Variants in CNKSR3 observed in about 807,000 individuals in gnomAD.
CNKSR3 encodes CNKSR family member 3.
CNKSR3 carries 36 observed loss-of-function variants against 67.7 expected under a neutral mutation model. The observed-to-expected ratio is 0.53, with a 90% CI of 0.41 to 0.70. The LOEUF is 0.70. Ranked by LOEUF, CNKSR3 falls within the 30% of genes least tolerant of loss-of-function variation. CNKSR3 has a pLI of 0.00. For missense variants in CNKSR3, 630 were observed against 695.2 expected (o/e 0.91, Z 1.05); for synonymous variants, 281 against 271.4 (o/e 1.04, Z -0.35).
At chr6:154,465,004 G>A (rs1179740933) in intron 1 of CNKSR3, among the ~76,000 whole-genome samples, 1 of 151,794 alleles carries the variant, frequency 6.6e-6, no homozygotes, top group Non-Finnish European at 1.5e-5. Flanking sequence ...AGCCGAGTAT[G>A]GTGGCAGGCA....
chr6:154,470,188 C>CTTTTTTTTTTTTTTTTTTTT (rs869154714), intron 1 of CNKSR3, among the ~76,000 whole-genome samples: 1 of 68,724 alleles, frequency 1.5e-5, no homozygotes, highest in Non-Finnish European at 2.6e-5. Flanking sequence ...ACTTTCTTTC[C>CTTTTTTTTTTTTTTTTTTTT]TTTTTTTTTT....
intron 1 of CNKSR3, among the ~76,000 whole-genome samples, chr6:154,452,007 C>T (rs1395393775): frequency 1.3e-5 from 2 of 152,190 alleles, no homozygotes; most frequent in Non-Finnish European, 2.9e-5. Context: ...TTGAGACCAA[C>T]ACCCTACCTG....
intron 1 of CNKSR3, among the ~76,000 whole-genome samples, chr6:154,455,642 G>A (rs889692932): frequency 5.3e-5 from 8 of 151,924 alleles, no homozygotes; most frequent in South Asian, 2.1e-4. Context: ...GGCTGGTCTC[G>A]AACTCCTGAC....
chr6:154,413,535 G>A (rs956307092), intron 10 of CNKSR3, among the ~76,000 whole-genome samples: 1 of 151,910 alleles, frequency 6.6e-6, no homozygotes, highest in Non-Finnish European at 1.5e-5. Flanking sequence ...TGGCCACATA[G>A]GTTTTTTTTC....
At chr6:154,414,549 G>T in intron 9 of CNKSR3, 126 bp from the exon 10 acceptor site, 1 of 957,142 alleles carries the variant, frequency 1.0e-6, no homozygotes, top group Non-Finnish European at 1.7e-6. Flanking sequence ...GGTCATTCAT[G>T]TGTTTACAGA....
At chr6:154,479,614 T>C (rs1313976579) in intron 1 of CNKSR3, among the ~76,000 whole-genome samples, 1 of 152,180 alleles carries the variant, frequency 6.6e-6, no homozygotes, top group Non-Finnish European at 1.5e-5. Context: ...TGACAATAAT[T>C]ACTGCACACA....
chr6:154,433,675 A>G, intron 4 of CNKSR3, 168 bp from the exon 5 acceptor site: 1 of 608,664 alleles, frequency 1.6e-6, no homozygotes, highest in Non-Finnish European at 3.0e-6. Flanking sequence ...GCAGAGTGGG[A>G]ACAGAGCTGA....
intron 1 of CNKSR3, among the ~76,000 whole-genome samples, chr6:154,509,043 A>G (rs972645296): frequency 2.6e-5 from 4 of 151,714 alleles, no homozygotes; most frequent in Non-Finnish European, 5.9e-5. Context: ...GCGCTACACA[A>G]TTCTAGTTAT....
chr6:154,479,162 A>G (rs183752755), intron 1 of CNKSR3, among the ~76,000 whole-genome samples: 2 of 152,294 alleles, frequency 1.3e-5, no homozygotes, highest in Non-Finnish European at 2.9e-5. Flanking sequence ...GTAAAAAGGA[A>G]AAAAGTGGCC....
At chr6:154,443,128 G>A (rs886182308) in intron 2 of CNKSR3, among the ~76,000 whole-genome samples, 1 of 151,922 alleles carries the variant, frequency 6.6e-6, no homozygotes. Flanking sequence ...GAACTTGTGA[G>A]CTCAGGCACA....
At position 154,388,910 on chromosome 6, in the gene CNKSR3, A is replaced by AT. The variant is rs1226383414; in HGVS notation, c.*17443dup. On this transcript the variant is annotated 3_prime_UTR_variant, in exon 13 of 13. Coordinates refer to ENST00000607772, the MANE Select transcript of CNKSR3 (RefSeq NM_173515.4). Reference sequence around the variant, plus strand: ...TGTTCAAGATGCCAGAGCCCATGCTATTCAGATCCTTGGCCCATTTGTAAA... The same window carrying AT: ...TGTTCAAGATGCCAGAGCCCATGCTATTTCAGATCCTTGGCCCATTTGTAAA... The AT allele has an allele frequency of 6.7e-6, 1 of 149,518 alleles. No homozygotes were observed. Among genetic ancestry groups the AT allele is most frequent in the Non-Finnish European group, 1.5e-5 (1 of 67,696 alleles). 9.3% of individuals were successfully genotyped at this position (149,518 alleles called of 1,614,324 possible). A position where few individuals can be genotyped will look rare whatever the true frequency, so the allele number is the denominator to read the frequency against.
rs1785797204 is a variant in CNKSR3, at chr6:154,450,197, C to A, written c.114G>T (p.Glu38Asp). The A allele has an allele frequency of 6.2e-7, 1 of 1,614,186 alleles. No homozygotes were observed. The highest frequency in any genetic ancestry group is 2.2e-5 in the East Asian group (1 of 44,882). ...HKFEREKING[E>D]QLLQISHQDL... ...CCTGATGGGAAATCTGCAGCAGCTG[C>A]TCGCCGTTGATCTTCTCTCGTTCAA... is the stretch of plus-strand genomic sequence containing the variant. The change falls in exon 2 of 13, where the codon GAG (glutamate) becomes GAT (aspartate). Residue 38 changes from glutamate (E) to aspartate (D), a missense_variant. Physicochemically the swap from Glu to Asp is conservative, Grantham distance 45. Transcript: ENST00000607772.
At chr6:154,486,354 C>T (rs369897293) in intron 1 of CNKSR3, among the ~76,000 whole-genome samples, 19 of 149,920 alleles carry the variant, frequency 1.3e-4, no homozygotes, top group African/African-American at 4.2e-4. Context: ...AGAGTGCAGT[C>T]GTGCGATCTC....
chr6:154,461,141 C>T (rs767722068), intron 1 of CNKSR3, among the ~76,000 whole-genome samples: 12 of 152,196 alleles, frequency 7.9e-5, no homozygotes, highest in Non-Finnish European at 1.5e-4. Flanking sequence ...CCTGCAGTGA[C>T]CCCACGGAGG....
At chr6:154,505,499 T>A (rs112561976) in intron 1 of CNKSR3, among the ~76,000 whole-genome samples, 7,184 of 86,808 alleles carry the variant, frequency 0.083, 188 homozygotes, top group African/African-American at 0.17. Flanking sequence ...TATTATTATT[T>A]TTTTTTTTTT....
chr6:154,415,649 G>A (rs7750888), intron 9 of CNKSR3, among the ~76,000 whole-genome samples: 104,946 of 152,060 alleles, frequency 0.69, 36,575 homozygotes, highest in East Asian at 0.87. Context: ...ATTAAGTAAG[G>A]TAACACATGT....
chr6:154,510,382 G>A lies in CNKSR3; in HGVS notation c.-268C>T. On this transcript the variant is annotated 5_prime_UTR_variant, in exon 1 of 13. Transcript: ENST00000607772. ...GATCCCGGGCACAGCTGCTGCTCCC[G>A]AGCGACGGCAGCTGCAGGCACGCCG... 1 of 512,134 alleles carries A rather than the reference G, an allele frequency of 2.0e-6. No homozygotes were observed. The highest frequency in any genetic ancestry group is 2.1e-5 in the African/African-American group (1 of 48,522). 31.7% of individuals were successfully genotyped at this position (512,134 alleles called of 1,614,324 possible).
rs568801750 is a variant in CNKSR3, at chr6:154,444,368, G to A, written c.217-2078C>T. Among the ~76,000 whole-genome samples, 9 of 152,204 alleles carry A rather than the reference G, an allele frequency of 5.9e-5. No homozygotes were observed. The South Asian group carries it at 1.0e-3, about 17-fold the overall frequency. On this transcript the variant is annotated intron_variant, in intron 2 of 12. Coordinates refer to ENST00000607772, the MANE Select transcript of CNKSR3 (RefSeq NM_173515.4). ...CTCCAAAGTTACAAAGCTCATCAGC[G>A]GTAGTGCTGAGCTTTTGACCAAGGC...
In CNKSR3 at chr6:154,422,504, A is replaced by G; in HGVS notation, c.945+2T>C. The G allele has an allele frequency of 6.2e-7, 1 of 1,613,992 alleles. No homozygotes were observed. The highest frequency in any genetic ancestry group is 8.5e-7 in the Non-Finnish European group (1 of 1,179,862). On this transcript the variant is annotated splice_donor_variant, in intron 9 of 12. Coordinates refer to ENST00000607772, the MANE Select transcript of CNKSR3 (RefSeq NM_173515.4). LOFTEE classifies it high-confidence loss of function. ...TGGAGGTTTACAGTTAATCCCAGAT[A>G]CCTGTACAAGAGGTGGCTTCCACCG...
Sources: allele counts gnomAD v4.1 joint callset (sites outside exome capture counted in the v4.1 genomes callset), GRCh38; gene constraint gnomAD v4.1.1; transcripts MANE v1.5; gene names NCBI Gene and HGNC (gene_info 2026-07-23, HGNC 2026-07-21).